Variants in DNAH9 observed in about 807,000 individuals in gnomAD.
DNAH9 encodes the protein dynein axonemal heavy chain 9, also known as DNAH9 variant protein.
A neutral mutation model predicts 471.6 loss-of-function variants in DNAH9; 345 were observed. The observed-to-expected ratio is 0.73, with a 90% CI of 0.67 to 0.80. The LOEUF (loss-of-function observed/expected upper bound fraction) is 0.80. Among genes scored for constraint, DNAH9 ranks in the 30% least tolerant of loss-of-function variants. The pLI is 0.00. For missense variants in DNAH9, 5,407 were observed against 5,609.2 expected, an observed-to-expected ratio of 0.96 and a Z score of 1.15; for synonymous variants, 2,093 against 2,123.6, an observed-to-expected ratio of 0.99 and a Z score of 0.40.
chr17:11,702,845 C>T (rs1178565520), intron 24 of DNAH9, among the ~76,000 whole-genome samples: 3 of 152,110 alleles, frequency 2.0e-5, no homozygotes, highest in African/African-American at 7.2e-5. Context: ...GTAATCCCAG[C>T]ACTTTGGGAG....
At position 11,744,953 on chromosome 17, in the gene DNAH9, T is replaced by G. The variant is rs1255748304; in HGVS notation, c.6268T>G (p.Phe2090Val). 1 of 1,614,146 alleles carries G rather than the reference T, an allele frequency of 6.2e-7. No homozygotes were observed. Among genetic ancestry groups the G allele is most frequent in the Non-Finnish European group, 8.5e-7 (1 of 1,179,998 alleles). Residue 2090 changes from phenylalanine (F) to valine (V), a missense_variant, in exon 31 of 69, where the codon TTC becomes GTC. This residue lies in a region of DNAH9 where 4,636 missense variants were observed against 4,900.3 expected (regional missense o/e 0.95). Transcript: ENST00000262442. ...GATTGTGACTGATGACATGCCCATC[T>G]TCATGGGCCTGATCGGGGACCTCTT... ...PKIVTDDMPI[F>V]MGLIGDLFPA...
Position 11,891,732 on chromosome 17 carries a change from T to TA in DNAH9, c.11113-43dup, listed in dbSNP as rs768691512. 30 of 1,597,254 alleles carry TA rather than the reference T, an allele frequency of 1.9e-5. No homozygotes were observed. In the Middle Eastern group the frequency reaches 6.9e-4, roughly 37 times the overall value. On this transcript the variant is annotated intron_variant, in intron 57 of 68. Coordinates refer to ENST00000262442, the MANE Select transcript of DNAH9 (RefSeq NM_001372.4). ...CGCAGGTAAGACCACTAGTGTATAG[T>TA]AAGAGGGCTGTGTACCTTACCAGTT...
At chr17:11,848,457 G>A (rs1341178761) in intron 49 of DNAH9, among the ~76,000 whole-genome samples, 1 of 151,294 alleles carries the variant, frequency 6.6e-6, no homozygotes, top group African/African-American at 2.4e-5. Context: ...GTGCATATAG[G>A]TTATCTCAAA....
chr17:11,924,253 G>T (rs1418277711), intron 62 of DNAH9, among the ~76,000 whole-genome samples: 1 of 152,166 alleles, frequency 6.6e-6, no homozygotes, highest in Admixed American at 6.5e-5. Flanking sequence ...TGAAGGCCCT[G>T]GCAGCTGGAT....
At chr17:11,775,835 G>A (rs867544213) in intron 38 of DNAH9, among the ~76,000 whole-genome samples, 3 of 151,890 alleles carry the variant, frequency 2.0e-5, no homozygotes, top group East Asian at 1.9e-4. Context: ...CTCGTGATCC[G>A]CCCGCCTCGG....
At chr17:11,781,245 A>C in intron 39 of DNAH9, 71 bp downstream of exon 39, 2 of 1,510,254 alleles carry the variant, frequency 1.3e-6, no homozygotes, top group African/African-American at 2.8e-5. Flanking sequence ...GCCAGTCTCT[A>C]TTCTGCCTGA....
chr17:11,896,271 C>A (rs1262604784), intron 59 of DNAH9, among the ~76,000 whole-genome samples: 8 of 152,112 alleles, frequency 5.3e-5, no homozygotes, highest in African/African-American at 1.9e-4. Context: ...ATATATTTTA[C>A]TTTGGAGGGA....
chr17:11,762,145 A>C (rs2150867010), intron 35 of DNAH9, among the ~76,000 whole-genome samples: 1 of 152,360 alleles, frequency 6.6e-6, no homozygotes, highest in Non-Finnish European at 1.5e-5. Flanking sequence ...AAACTGTCAT[A>C]GCATTTGTTG....
chr17:11,855,165 G>C (rs1971581822), intron 50 of DNAH9, among the ~76,000 whole-genome samples: 2 of 151,990 alleles, frequency 1.3e-5, no homozygotes, highest in Admixed American at 1.3e-4. Context: ...GCCTCCCAAA[G>C]TGCTGGGATT....
chr17:11,865,665 C>T (rs369884696), intron 50 of DNAH9, among the ~76,000 whole-genome samples: 8 of 151,868 alleles, frequency 5.3e-5, no homozygotes, highest in Admixed American at 2.0e-4. Flanking sequence ...ACCAATCAGA[C>T]GTAGATTTGG....
At chr17:11,780,906 C>A in intron 38 of DNAH9, 103 bp from the exon 39 acceptor site, 1 of 1,253,760 alleles carries the variant, frequency 8.0e-7, no homozygotes, top group Non-Finnish European at 1.1e-6. Flanking sequence ...GTTTTTTGCA[C>A]ACATGAAGGC....
At position 11,598,819 on chromosome 17, in the gene DNAH9, G is replaced by A. The variant is rs2072318844; in HGVS notation, c.321G>A (p.Gly107=). 5 of 1,494,520 alleles carry A rather than the reference G, an allele frequency of 3.3e-6. No individual in the cohort carries two copies. Among genetic ancestry groups the A allele is most frequent in the South Asian group, 2.5e-5 (2 of 81,448 alleles). The allele number at this position is 1,494,520 out of a possible 1,614,324, so 92.6% of individuals were successfully genotyped here. A position where few individuals can be genotyped will look rare whatever the true frequency, so the allele number is the denominator to read the frequency against. Residue 107 remains glycine, a synonymous_variant, in exon 1 of 69, where the codon GGG becomes GGA. Coordinates refer to ENST00000262442, the MANE Select transcript of DNAH9 (RefSeq NM_001372.4). ...GAKALFFLRT[G]PEPPGPDSFR... is the part of the protein sequence containing the mutation. ...AGGCGCTTTTTTTCCTTCGCACCGGGCCCGAGCCTCCAGGGCCCGACAGCT... is the reference window on the plus strand; with the variant it reads ...AGGCGCTTTTTTTCCTTCGCACCGGACCCGAGCCTCCAGGGCCCGACAGCT...
At chr17:11,940,392 T>A (rs896628451) in intron 66 of DNAH9, among the ~76,000 whole-genome samples, 9 of 152,230 alleles carry the variant, frequency 5.9e-5, no homozygotes, top group African/African-American at 2.2e-4. Flanking sequence ...AGACGATCTT[T>A]TCGTCTCTTT....
chr17:11,936,001 A>T (rs963957910), intron 65 of DNAH9, among the ~76,000 whole-genome samples: 2 of 152,234 alleles, frequency 1.3e-5, no homozygotes, highest in Admixed American at 6.5e-5. Context: ...ATTCGACAGG[A>T]GGCTGGAGCA....
intron 26 of DNAH9, 140 bp from the exon 27 acceptor site, chr17:11,719,194 T>C (rs927205436): frequency 6.7e-5 from 51 of 757,016 alleles, no homozygotes; most frequent in Non-Finnish European, 6.7e-5. Context: ...CTCCCCACAG[T>C]GCTGTGGGGA....
At chr17:11,765,628 C>T (rs941164096) in intron 36 of DNAH9, among the ~76,000 whole-genome samples, 2 of 152,088 alleles carry the variant, frequency 1.3e-5, no homozygotes, top group African/African-American at 4.8e-5. Context: ...AGGGAAGTCT[C>T]CAAGGACAGG....
intron 2 of DNAH9, 108 bp downstream of exon 2, chr17:11,608,433 T>C (rs953799453): frequency 1.2e-6 from 1 of 855,486 alleles, no homozygotes; most frequent in Admixed American, 2.3e-5. Context: ...CATCTCCTCG[T>C]TCTGCACACA....
At chr17:11,821,089 C>T (rs1215374688) in intron 45 of DNAH9, among the ~76,000 whole-genome samples, 1 of 152,026 alleles carries the variant, frequency 6.6e-6, no homozygotes, top group Non-Finnish European at 1.5e-5. Flanking sequence ...CGAGACCAAG[C>T]CTGACTAACA....
At chr17:11,695,808 CA>C (rs2074466218) in intron 22 of DNAH9, among the ~76,000 whole-genome samples, 1 of 152,190 alleles carries the variant, frequency 6.6e-6, no homozygotes, top group South Asian at 2.1e-4. Context: ...CTAGGGACTA[CA>C]CTATGAGAAC....
Sources: allele counts gnomAD v4.1 joint callset (sites outside exome capture counted in the v4.1 genomes callset), GRCh38; gene constraint gnomAD v4.1.1; regional missense constraint gnomAD v4.1.1; transcripts MANE v1.5; gene names NCBI Gene and HGNC (gene_info 2026-07-23, HGNC 2026-07-21).